ZNF644: variants seen among roughly 807,000 people sequenced by gnomAD.
The protein encoded by ZNF644 is zinc finger protein 644, also known as zinc finger motif enhancer binding protein 2.
A neutral mutation model predicts 108.0 loss-of-function variants in ZNF644; 20 were observed. The observed-to-expected ratio is 0.19, with a 90% CI of 0.13 to 0.27. The LOEUF (loss-of-function observed/expected upper bound fraction) is 0.27. Among genes scored for constraint, ZNF644 ranks in the 10% least tolerant of loss-of-function variants. The probability of loss-of-function intolerance (pLI) is 1.00; values close to 1 mark genes in which losing one functional copy is unlikely to be tolerated. For missense variants in ZNF644, 1,338 were observed against 1,548.9 expected (o/e 0.86, Z 2.29); for synonymous variants, 542 against 539.1 (o/e 1.01, Z -0.08).
chr1:91,001,348 G>A (rs997466058), intron 1 of ZNF644, among the ~76,000 whole-genome samples: 9 of 152,102 alleles, frequency 5.9e-5, no homozygotes, highest in Non-Finnish European at 1.2e-4. Flanking sequence ...TGATCAAGTG[G>A]GCTTCATCCC....
chr1:91,009,164 C>T (rs530002589), intron 1 of ZNF644, among the ~76,000 whole-genome samples: 2 of 152,136 alleles, frequency 1.3e-5, no homozygotes, highest in Non-Finnish European at 2.9e-5. Context: ...TTAGTGCCAG[C>T]AGAGAACTAC....
intron 4 of ZNF644, among the ~76,000 whole-genome samples, chr1:90,928,132 C>T (rs983490636): frequency 1.3e-5 from 2 of 151,538 alleles, no homozygotes; most frequent in Non-Finnish European, 2.9e-5. Context: ...CAGGTGTTAG[C>T]CACGGCACCT....
At chr1:90,966,270 C>T (rs1442517861) in intron 2 of ZNF644, among the ~76,000 whole-genome samples, 1 of 152,150 alleles carries the variant, frequency 6.6e-6, no homozygotes, top group African/African-American at 2.4e-5. Context: ...CCCCTCTCTG[C>T]TGATATTTTT....
At chr1:91,010,405 A>AT (rs35003941) in intron 1 of ZNF644, among the ~76,000 whole-genome samples, 5,233 of 132,592 alleles carry the variant, frequency 0.039, 214 homozygotes, top group African/African-American at 0.1. Context: ...CGCTTGGCTA[A>AT]TTTTTTTTTT....
At chr1:90,984,517 A>G (rs912145410) in intron 1 of ZNF644, among the ~76,000 whole-genome samples, 6 of 151,906 alleles carry the variant, frequency 3.9e-5, no homozygotes, top group Non-Finnish European at 8.8e-5. Context: ...CCTCCGAAGT[A>G]GCTAGGACTA....
At chr1:90,919,462 G>A (rs1649179535) in intron 4 of ZNF644, among the ~76,000 whole-genome samples, 1 of 152,038 alleles carries the variant, frequency 6.6e-6, no homozygotes, top group South Asian at 2.1e-4. Flanking sequence ...TAGTCAAATG[G>A]CAATGATAAC....
At chr1:90,971,434 G>A (rs999252895) in intron 2 of ZNF644, among the ~76,000 whole-genome samples, 1 of 150,860 alleles carries the variant, frequency 6.6e-6, no homozygotes, top group Non-Finnish European at 1.5e-5. Flanking sequence ...TTTTTTTTTG[G>A]TGGGGGGACA....
Position 90,940,143 on chromosome 1 carries a change from G to A in ZNF644, c.1211C>T (p.Thr404Ile), listed in dbSNP as rs1211787906. ...ACAGGGGTAGAATGATGGCTCTTCG[G>A]TACTGAAAGTAGCAGGTGACTCAGA... ...SDSESPATFS[T>I]EEPSFYPCTK... Residue 404 changes from threonine to isoleucine, a missense_variant, in exon 3 of 6, where the codon ACC (threonine) becomes ATC (isoleucine). By Grantham distance (89) the Thr-to-Ile change is moderately conservative. Coordinates refer to ENST00000337393, the MANE Select transcript of ZNF644 (RefSeq NM_201269.3). 1.9e-6 allele frequency: 3 copies of A among 1,613,860 alleles called. No individual in the cohort carries two copies. Among genetic ancestry groups the A allele is most frequent in the Non-Finnish European group, 2.5e-6 (3 of 1,179,942 alleles).
In ZNF644 at chr1:90,938,641, T is replaced by C. The variant is rs372013174; in HGVS notation, c.2713A>G (p.Asn905Asp). 1.9e-6 allele frequency: 3 copies of C among 1,610,196 alleles called. No individual in the cohort carries two copies. The South Asian group carries it at 3.3e-5, about 18-fold the overall frequency. Residue 905 changes from asparagine (N) to aspartate (D), a missense_variant, in exon 3 of 6, where the codon AAT becomes GAT. By Grantham distance (23) the Asn-to-Asp change is conservative. Coordinates refer to ENST00000337393, the MANE Select transcript of ZNF644 (RefSeq NM_201269.3). This position sits in a 1 kb window ranked among gnomAD's most constrained non-coding sequence, Gnocchi z 4.2. ...TTTTGGTCATAACTAAGAGTAGCAT[T>C]TTCTCCAGGCTCCTGACCTTCCACT... is the stretch of plus-strand genomic sequence containing the variant. ...SKVEGQEPGE[N>D]ATLSYDQNDG...
At chr1:90,947,143 A>C (rs1190072593) in intron 2 of ZNF644, among the ~76,000 whole-genome samples, 1 of 152,200 alleles carries the variant, frequency 6.6e-6, no homozygotes, top group South Asian at 2.1e-4. Context: ...ATCAAACATT[A>C]ATTTCCTAAT....
intron 2 of ZNF644, among the ~76,000 whole-genome samples, chr1:90,953,587 C>G (rs988882235): frequency 2.0e-5 from 3 of 151,940 alleles, no homozygotes; most frequent in Non-Finnish European, 2.9e-5. Context: ...TACACAGAAG[C>G]TATTATGTCT....
intron 1 of ZNF644, among the ~76,000 whole-genome samples, chr1:91,004,258 T>C (rs1016198182): frequency 4.6e-5 from 7 of 152,110 alleles, no homozygotes; most frequent in African/African-American, 1.7e-4. Flanking sequence ...ATCTACACCT[T>C]AGACACATCA....
intron 1 of ZNF644, among the ~76,000 whole-genome samples, chr1:91,018,301 T>G (rs1293782722): frequency 6.6e-6 from 1 of 152,180 alleles, no homozygotes; most frequent in Non-Finnish European, 1.5e-5. Flanking sequence ...TTTATTTCCC[T>G]CTAATAAACC....
chr1:90,943,400 C>T (rs1450874468), intron 2 of ZNF644, among the ~76,000 whole-genome samples: 1 of 152,088 alleles, frequency 6.6e-6, no homozygotes, highest in Non-Finnish European at 1.5e-5. Context: ...AAGATTGCGC[C>T]ATTGCACTCC....
At chr1:90,926,744 A>G (rs1282518756) in intron 4 of ZNF644, among the ~76,000 whole-genome samples, 2 of 152,176 alleles carry the variant, frequency 1.3e-5, no homozygotes, top group African/African-American at 2.4e-5. Context: ...TTTTATTTCC[A>G]TAATATTACC....
In ZNF644 at chr1:90,940,616, T is replaced by C; in HGVS notation, c.738A>G (p.Ser246=). The change falls in exon 3 of 6, where the codon TCA becomes TCG. Residue 246 remains serine (S), a synonymous_variant. Transcript: ENST00000337393. ...TTTCTGACCTAAATCCATCTGTACC[T>C]GAGGAAATTCCCGTTACTGTATTGA... ...DCVNTVTGIS[S]GTDGFRSEND... is the part of the protein sequence containing the mutation. The C allele has an allele frequency of 6.2e-7, 1 of 1,614,040 alleles. No homozygotes were observed. The highest frequency in any genetic ancestry group is 8.5e-7 in the Non-Finnish European group (1 of 1,179,968).
intron 2 of ZNF644, among the ~76,000 whole-genome samples, chr1:90,969,770 T>C (rs1187196046): frequency 6.6e-6 from 1 of 152,218 alleles, no homozygotes; most frequent in African/African-American, 2.4e-5. Context: ...AATTAAACTT[T>C]ATCACAGATA....
intron 4 of ZNF644, among the ~76,000 whole-genome samples, chr1:90,933,170 A>T (rs1234431635): frequency 6.6e-6 from 1 of 152,182 alleles, no homozygotes; most frequent in Non-Finnish European, 1.5e-5. Flanking sequence ...ATGAAGTAAA[A>T]GCATTTTTTT....
At chr1:90,964,168 C>T (rs1654605968) in intron 2 of ZNF644, among the ~76,000 whole-genome samples, 1 of 152,054 alleles carries the variant, frequency 6.6e-6, no homozygotes, top group African/African-American at 2.4e-5. Context: ...AGGAAGACAT[C>T]ATTCAATATA....
Sources: gnomAD v4.1 joint callset for allele counts (sites outside exome capture counted in the v4.1 genomes callset) on GRCh38, gnomAD v4.1.1 for gene constraint, Gnocchi (gnomAD v3.1) non-coding constraint, MANE v1.5 for transcripts, NCBI Gene and HGNC (gene_info 2026-07-23, HGNC 2026-07-21) for gene names.